Variants in PSD3 observed in about 807,000 individuals in gnomAD.
PSD3 encodes the protein PH and SEC7 domain-containing protein 3.
In PSD3, 49 loss-of-function variants were observed where a neutral mutation model predicts 105.5. The ratio of observed to expected loss-of-function variants is 0.46; its 90% CI spans 0.37 to 0.59. PSD3 has a LOEUF of 0.59. Among genes scored for constraint, PSD3 ranks in the 20% least tolerant of loss-of-function variants. The pLI is 0.00. For missense variants in PSD3, 1,561 were observed against 1,263.8 expected, an observed-to-expected ratio of 1.24 and a Z score of -3.57; for synonymous variants, 557 against 457.8, an observed-to-expected ratio of 1.22 and a Z score of -2.77.
chr8:18,549,684 T>C (rs1226417790), intron 15 of PSD3, among the ~76,000 whole-genome samples: 1 of 152,268 alleles, frequency 6.6e-6, no homozygotes, highest in Non-Finnish European at 1.5e-5. Flanking sequence ...TACCTGTTTC[T>C]TTCAATTTTT....
At chr8:18,804,335 T>C in intron 6 of PSD3, 187 bp downstream of exon 6, 1 of 538,520 alleles carries the variant, frequency 1.9e-6, no homozygotes, top group Non-Finnish European at 3.2e-6. Context: ...AACACAAACA[T>C]CTCTAAACCT....
At chr8:18,608,040 T>A (rs1215793239) in intron 11 of PSD3, among the ~76,000 whole-genome samples, 3 of 151,994 alleles carry the variant, frequency 2.0e-5, no homozygotes, top group Admixed American at 6.6e-5. Context: ...CAATTCAGGA[T>A]GAGATTTGGG....
At position 18,664,919 on chromosome 8, in the gene PSD3, T is replaced by G. The variant is rs1014019301; in HGVS notation, c.2173-9234A>C. ...GGCAGCATATCTGTTGACAGGATGG[T>G]TTGCTAAATATTTTTAGTCCATTGT... On this transcript the variant is annotated intron_variant, in intron 9 of 15. Coordinates refer to ENST00000327040, the MANE Select transcript of PSD3 (RefSeq NM_015310.4). 5.3e-5 allele frequency among the ~76,000 whole-genome samples: 8 copies of G among 152,146 alleles called. 1 individual carries two copies. The highest frequency in any genetic ancestry group is 3.9e-4 in the Admixed American group (6 of 15,276).
upstream of PSD3, among the ~76,000 whole-genome samples, chr8:19,018,352 C>T (rs920820067): frequency 4.9e-5 from 6 of 123,384 alleles, no homozygotes; most frequent in East Asian, 4.7e-4. Flanking sequence ...ATATTAAATG[C>T]TCTTTTTAAA....
At chr8:18,984,421 A>T (rs555160843) in intron 1 of PSD3, among the ~76,000 whole-genome samples, 33 of 152,242 alleles carry the variant, frequency 2.2e-4, no homozygotes, top group African/African-American at 7.7e-4. Flanking sequence ...ACATCACTGC[A>T]TTAAAATATT....
At chr8:18,568,809 A>G (rs1484129265) in intron 14 of PSD3, among the ~76,000 whole-genome samples, 1 of 151,054 alleles carries the variant, frequency 6.6e-6, no homozygotes. Flanking sequence ...GCACCCACTA[A>G]CTCGTCATCT....
chr8:18,673,049 A>C (rs546469380), intron 9 of PSD3, among the ~76,000 whole-genome samples: 1 of 152,210 alleles, frequency 6.6e-6, no homozygotes, highest in Non-Finnish European at 1.5e-5. Context: ...TAATACAAAT[A>C]ATCTTTTAAC....
chr8:19,008,124 G>A (rs1415806680), intron 1 of PSD3, among the ~76,000 whole-genome samples: 3 of 152,206 alleles, frequency 2.0e-5, no homozygotes, highest in African/African-American at 4.8e-5. Flanking sequence ...GATTACAGGC[G>A]TGAGCCATGG....
intron 2 of PSD3, among the ~76,000 whole-genome samples, chr8:18,880,928 G>A (rs921882989): frequency 7.2e-5 from 11 of 152,182 alleles, no homozygotes; most frequent in Admixed American, 2.0e-4. Flanking sequence ...ACTTTACTGC[G>A]TGTATTTTTC....
intron 4 of PSD3, among the ~76,000 whole-genome samples, chr8:18,811,665 T>C (rs545658306): frequency 1.7e-4 from 26 of 152,200 alleles, no homozygotes; most frequent in African/African-American, 6.3e-4. Flanking sequence ...CTTGCAAATA[T>C]GATAAAATAA....
chr8:18,603,179 T>C (rs1804562729), intron 11 of PSD3, among the ~76,000 whole-genome samples: 1 of 152,222 alleles, frequency 6.6e-6, no homozygotes, highest in Admixed American at 6.5e-5. Context: ...GTTTTTACTG[T>C]GCATACTTAA....
intron 15 of PSD3, among the ~76,000 whole-genome samples, chr8:18,555,901 G>C (rs571315352): frequency 5.9e-5 from 9 of 152,330 alleles, no homozygotes; most frequent in African/African-American, 2.2e-4. Context: ...ACAGAAAGCA[G>C]CTGTCCACCC....
At chr8:18,550,327 T>C (rs1200861126) in intron 15 of PSD3, among the ~76,000 whole-genome samples, 1 of 152,196 alleles carries the variant, frequency 6.6e-6, no homozygotes, top group Non-Finnish European at 1.5e-5. Flanking sequence ...TCAGAGCTCT[T>C]AGTCCTCTTT....
At chr8:18,707,879 G>A (rs1225728664) in intron 9 of PSD3, among the ~76,000 whole-genome samples, 1 of 152,208 alleles carries the variant, frequency 6.6e-6, no homozygotes, top group Non-Finnish European at 1.5e-5. Context: ...CAGAAGACAG[G>A]TCACAATGAC....
chr8:18,998,503 C>A (rs10111281), intron 1 of PSD3, among the ~76,000 whole-genome samples: 106,140 of 151,618 alleles, frequency 0.7, 37,983 homozygotes, highest in East Asian at 0.91. Flanking sequence ...CTGGCTAACA[C>A]GGTGAAACCC....
chr8:18,646,794 A>C (rs1018261771), intron 10 of PSD3, among the ~76,000 whole-genome samples: 4 of 152,208 alleles, frequency 2.6e-5, no homozygotes, highest in African/African-American at 9.6e-5. Flanking sequence ...AAATGAAATG[A>C]GAATCAATGC....
chr8:19,017,554 G>A (rs534268260), upstream of PSD3, among the ~76,000 whole-genome samples: 5 of 152,010 alleles, frequency 3.3e-5, no homozygotes, highest in Admixed American at 3.3e-4. Flanking sequence ...ATTGGCGGTC[G>A]CTCCTCTTTT....
rs555555442 is a variant in PSD3 at position 18,738,353 on chromosome 8, T to G, written c.2172+27096A>C. ...TCTCTGAAACTCCTTTTCTCATTTA[T>G]AAAATGGGAAGGTTCATCAAGATCA... is the stretch of plus-strand genomic sequence containing the variant. On this transcript the variant is annotated intron_variant, in intron 9 of 15. Transcript: ENST00000327040. Among the ~76,000 whole-genome samples the G allele has an allele frequency of 2.6e-3, 397 of 152,254 alleles. 1 individual carries two copies. The highest frequency in any genetic ancestry group is 4.8e-3 in the Non-Finnish European group (324 of 68,016).
At chr8:18,911,009 G>A (rs1327898152) in intron 2 of PSD3, among the ~76,000 whole-genome samples, 2 of 152,102 alleles carry the variant, frequency 1.3e-5, no homozygotes, top group African/African-American at 4.8e-5. Context: ...TCAGGAGGCT[G>A]GGGTGGAAGG....
Sources: gnomAD v4.1 joint callset for allele counts (sites outside exome capture counted in the v4.1 genomes callset) on GRCh38, gnomAD v4.1.1 for gene constraint, MANE v1.5 for transcripts, NCBI Gene and HGNC (gene_info 2026-07-23, HGNC 2026-07-21) for gene names.